PDSS1: variants seen among roughly 807,000 people sequenced by gnomAD.
PDSS1 encodes all trans-polyprenyl-diphosphate synthase PDSS1.
A neutral mutation model predicts 57.5 loss-of-function variants in PDSS1; 43 were observed. The observed-to-expected ratio is 0.75, with a 90% CI of 0.59 to 0.96. The LOEUF is 0.96. PDSS1 is among the 50% of genes least tolerant of loss of function. The probability of loss-of-function intolerance (pLI) is 0.00; values close to 1 mark genes in which losing one functional copy is unlikely to be tolerated. For synonymous variants in PDSS1, 175 were observed against 191.3 expected, an observed-to-expected ratio of 0.91 and a Z score of 0.70; for missense variants, 438 against 527.8, an observed-to-expected ratio of 0.83 and a Z score of 1.67.
Position 26,720,334 on chromosome 10 carries a change from T to G in PDSS1, c.584T>G (p.Val195Gly). ...AGTTCTCGAAGAGGAAAACACACAG[T>G]TAATAAGATCTGGGGTGAAAAGAAG... is the stretch of plus-strand genomic sequence containing the variant. Reference protein sequence around the residue: ...DASSRRGKHTVNKIWGEKKAV... With the variant: ...DASSRRGKHTGNKIWGEKKAV... Residue 195 changes from valine to glycine, a missense_variant, in exon 6 of 12, where the codon GTT becomes GGT. Val to Gly is a moderately radical substitution (Grantham distance 109, BLOSUM62 -3). This residue lies in a region of PDSS1 where 284 missense variants were observed against 390.7 expected (regional missense o/e 0.73). Transcript: ENST00000376215. 6.2e-7 allele frequency: 1 copy of G among 1,613,218 alleles called. No individual in the cohort carries two copies. Among genetic ancestry groups the G allele is most frequent in the Non-Finnish European group, 8.5e-7 (1 of 1,179,154 alleles).
At chr10:26,744,127 G>A (rs1445075723) in intron 11 of PDSS1, among the ~76,000 whole-genome samples, 1 of 152,170 alleles carries the variant, frequency 6.6e-6, no homozygotes, top group Non-Finnish European at 1.5e-5. Context: ...ACAAGGACCA[G>A]TACCATCATG....
chr10:26,726,300 T>A (rs1835944902), intron 8 of PDSS1, among the ~76,000 whole-genome samples: 1 of 152,252 alleles, frequency 6.6e-6, no homozygotes, highest in South Asian at 2.1e-4. Context: ...CTAGGGGGCA[T>A]GCTGGCATCG....
intron 10 of PDSS1, 85 bp downstream of exon 10, chr10:26,735,664 A>G: frequency 1.3e-6 from 1 of 793,634 alleles, no homozygotes; most frequent in African/African-American, 1.7e-5. Flanking sequence ...GGAAGATTGC[A>G]TAAAGGAATA....
chr10:26,720,039 G>T (rs1207847070), intron 5 of PDSS1, 179 bp from the exon 6 acceptor site: 2 of 796,022 alleles, frequency 2.5e-6, no homozygotes, highest in East Asian at 5.5e-5. Context: ...TTGTGGCAGG[G>T]TTTCTCATAC....
At chr10:26,714,045 G>T (rs141530471) in intron 5 of PDSS1, among the ~76,000 whole-genome samples, 340 of 152,240 alleles carry the variant, frequency 2.2e-3, no homozygotes, top group African/African-American at 7.7e-3. Context: ...TCAGGTGTCA[G>T]TAATCCCAAG....
chr10:26,728,774 C>CTTTTTTTTTTTTTTTTTTTT (rs33930147), intron 8 of PDSS1, among the ~76,000 whole-genome samples: 1 of 84,568 alleles, frequency 1.2e-5, no homozygotes, highest in Non-Finnish European at 2.1e-5. Flanking sequence ...TATTCTGTAT[C>CTTTTTTTTTTTTTTTTTTTT]TTTTTTTTTT....
chr10:26,709,901 C>A, intron 5 of PDSS1, 133 bp downstream of exon 5: 2 of 961,492 alleles, frequency 2.1e-6, no homozygotes, highest in Non-Finnish European at 3.2e-6. Context: ...GCCTATAATC[C>A]CAGCATTCTG....
At position 26,705,857 on chromosome 10, in the gene PDSS1, C is replaced by A. The variant is rs534970183; in HGVS notation, c.336+463C>A. 2.0e-3 allele frequency among the ~76,000 whole-genome samples: 306 copies of A among 152,254 alleles called. 3 individuals carry two copies. The highest frequency in any genetic ancestry group is 1.7e-3 in the Non-Finnish European group (115 of 68,020). The stretch of plus-strand genomic sequence containing the variant: ...GAGAAGAATACATATGACCCAGTGC[C>A]AGGCAATATGAAGAATGCAATATGT... On this transcript the variant is annotated intron_variant, in intron 4 of 11. Coordinates refer to ENST00000376215, the MANE Select transcript of PDSS1 (RefSeq NM_014317.5).
At chr10:26,730,038 G>A (rs555859745) in intron 8 of PDSS1, among the ~76,000 whole-genome samples, 15 of 146,852 alleles carry the variant, frequency 1.0e-4, no homozygotes, top group East Asian at 2.2e-4. Flanking sequence ...TCAGCCTCCC[G>A]AGTAGCTGGG....
chr10:26,703,138 A>G (rs886401333), intron 2 of PDSS1, among the ~76,000 whole-genome samples: 2 of 152,234 alleles, frequency 1.3e-5, no homozygotes, highest in Non-Finnish European at 2.9e-5. Flanking sequence ...ATTATCAGAA[A>G]GACATCACAA....
intron 5 of PDSS1, chr10:26,715,615 T>A (rs1835545772): frequency 1.3e-5 from 2 of 152,218 alleles, no homozygotes; most frequent in African/African-American, 4.8e-5. Flanking sequence ...CAGGCTAGTC[T>A]TAAACTCCTG....
chr10:26,714,328 G>A (rs1835490715), intron 5 of PDSS1, among the ~76,000 whole-genome samples: 1 of 151,898 alleles, frequency 6.6e-6, no homozygotes, highest in Non-Finnish European at 1.5e-5. Flanking sequence ...ATAAAAATTA[G>A]CCAGTCGTGG....
intron 8 of PDSS1, among the ~76,000 whole-genome samples, chr10:26,727,397 T>G (rs1400118116): frequency 6.6e-6 from 1 of 151,710 alleles, no homozygotes; most frequent in Non-Finnish European, 1.5e-5. Flanking sequence ...GGCCTGGAAT[T>G]AATGGGCTCT....
At chr10:26,731,690 A>G (rs1300746532) in intron 8 of PDSS1, among the ~76,000 whole-genome samples, 1 of 152,148 alleles carries the variant, frequency 6.6e-6, no homozygotes, top group Non-Finnish European at 1.5e-5. Context: ...TACACGCTTG[A>G]GTTTTTGCCA....
At chr10:26,744,334 A>C (rs542932712) in intron 11 of PDSS1, among the ~76,000 whole-genome samples, 2 of 152,152 alleles carry the variant, frequency 1.3e-5, no homozygotes, top group Non-Finnish European at 2.9e-5. Context: ...ACACATCAGG[A>C]CTAAAATGTT....
intron 10 of PDSS1, among the ~76,000 whole-genome samples, chr10:26,740,145 A>G (rs1032078368): frequency 2.7e-5 from 4 of 150,892 alleles, no homozygotes; most frequent in Admixed American, 2.0e-4. Flanking sequence ...CCATCTCAAA[A>G]AAAAAAAAAA....
intron 10 of PDSS1, among the ~76,000 whole-genome samples, chr10:26,738,827 G>A (rs1432450837): frequency 1.3e-5 from 2 of 152,148 alleles, no homozygotes; most frequent in Non-Finnish European, 2.9e-5. Context: ...CCTGATAACA[G>A]TTGGTTCAGA....
At chr10:26,719,670 G>A (rs184691174) in intron 5 of PDSS1, among the ~76,000 whole-genome samples, 6 of 152,298 alleles carry the variant, frequency 3.9e-5, no homozygotes, top group African/African-American at 1.4e-4. Flanking sequence ...CATGGAGGCT[G>A]AAGTGGGAGA....
At chr10:26,743,188 G>T (rs1034517021) in intron 11 of PDSS1, among the ~76,000 whole-genome samples, 1 of 152,180 alleles carries the variant, frequency 6.6e-6, no homozygotes, top group East Asian at 1.9e-4. Context: ...ATATTGCCAC[G>T]TATCTTCAGA....
Sources: allele counts gnomAD v4.1 joint callset (sites outside exome capture counted in the v4.1 genomes callset), GRCh38; gene constraint gnomAD v4.1.1; regional missense constraint gnomAD v4.1.1; transcripts MANE v1.5; gene names NCBI Gene and HGNC (gene_info 2026-07-23, HGNC 2026-07-21).